Variants in CDH18 observed in about 807,000 individuals in gnomAD.
The protein encoded by CDH18 is cadherin 18, also known as cadherin-18.
A neutral mutation model predicts 67.9 loss-of-function variants in CDH18; 31 were observed. The observed-to-expected ratio is 0.46, with a 90% CI of 0.34 to 0.62. The LOEUF is 0.62. Among genes scored for constraint, CDH18 ranks in the 20% least tolerant of loss-of-function variants. CDH18 has a pLI of 0.01. For synonymous variants in CDH18, 362 were observed against 347.2 expected, an observed-to-expected ratio of 1.04 and a Z score of -0.48; for missense variants, 890 against 975.5, an observed-to-expected ratio of 0.91 and a Z score of 1.17.
At chr5:20,284,798 G>A (rs754419647) in intron 1 of CDH18, among the ~76,000 whole-genome samples, 2 of 151,728 alleles carry the variant, frequency 1.3e-5, no homozygotes, top group Non-Finnish European at 2.9e-5. Context: ...ATATTTTATA[G>A]AGCAAATATA....
chr5:20,474,313 C>T (rs1173171616), intron 1 of CDH18, among the ~76,000 whole-genome samples: 2 of 152,034 alleles, frequency 1.3e-5, no homozygotes, highest in Non-Finnish European at 2.9e-5. Context: ...TCATCCAGCT[C>T]CAATCATTAA....
At chr5:20,388,721 C>A (rs1744542447) in intron 1 of CDH18, among the ~76,000 whole-genome samples, 1 of 152,070 alleles carries the variant, frequency 6.6e-6, no homozygotes, top group Non-Finnish European at 1.5e-5. Flanking sequence ...TATAAATTTC[C>A]CTGTACACAC....
At chr5:20,423,334 C>A (rs1005012973) in intron 1 of CDH18, among the ~76,000 whole-genome samples, 2 of 151,238 alleles carry the variant, frequency 1.3e-5, no homozygotes, top group Non-Finnish European at 2.9e-5. Context: ...TCATCAATTT[C>A]TTTTCCTTCC....
chr5:19,912,155 T>C (rs1434195441), intron 2 of CDH18, among the ~76,000 whole-genome samples: 1 of 151,038 alleles, frequency 6.6e-6, no homozygotes, highest in Non-Finnish European at 1.5e-5. Flanking sequence ...AATAAAGACA[T>C]GAATTGTTTA....
At chr5:19,520,881 G>T in intron 9 of CDH18, 103 bp from the exon 10 acceptor site, 1 of 1,256,898 alleles carries the variant, frequency 8.0e-7, no homozygotes, top group Non-Finnish European at 1.1e-6. Context: ...GGTTCCATAT[G>T]CCATAGCTGG....
At chr5:20,487,956 C>T (rs1753308801) in intron 1 of CDH18, among the ~76,000 whole-genome samples, 1 of 152,092 alleles carries the variant, frequency 6.6e-6, no homozygotes, top group Non-Finnish European at 1.5e-5. Flanking sequence ...GTGGAAGTCT[C>T]CTCCAGCTGT....
At chr5:19,880,429 C>T (rs1787510627) in intron 2 of CDH18, among the ~76,000 whole-genome samples, 1 of 151,998 alleles carries the variant, frequency 6.6e-6, no homozygotes, top group South Asian at 2.1e-4. Context: ...TAATTATACT[C>T]ATTTAGATAA....
chr5:20,544,665 C>T (rs1757240048), intron 1 of CDH18, among the ~76,000 whole-genome samples: 1 of 152,072 alleles, frequency 6.6e-6, no homozygotes, highest in Admixed American at 6.6e-5. Flanking sequence ...ATGGGGGAAA[C>T]CACTCCCATA....
chr5:20,042,747 A>G (rs1316985922), intron 2 of CDH18, among the ~76,000 whole-genome samples: 4 of 152,170 alleles, frequency 2.6e-5, no homozygotes, highest in Non-Finnish European at 4.4e-5. Context: ...GCAGATCATG[A>G]GGTCAAGAGA....
At chr5:19,953,212 A>G (rs1415751931) in intron 2 of CDH18, among the ~76,000 whole-genome samples, 1 of 152,138 alleles carries the variant, frequency 6.6e-6, no homozygotes, top group Non-Finnish European at 1.5e-5. Flanking sequence ...ATATTCACAA[A>G]TATTTATAAA....
chr5:20,197,231 C>T (rs200014571), intron 2 of CDH18, among the ~76,000 whole-genome samples: 1 of 152,082 alleles, frequency 6.6e-6, no homozygotes, highest in Non-Finnish European at 1.5e-5. Flanking sequence ...AGGCTGGTCT[C>T]GAACTCCTGA....
At chr5:19,883,808 C>G (rs76056634) in intron 2 of CDH18, among the ~76,000 whole-genome samples, 4,986 of 151,938 alleles carry the variant, frequency 0.033, 252 homozygotes, top group African/African-American at 0.1. Context: ...CAAGGATAGA[C>G]GAGAGTTTAC....
intron 5 of CDH18, among the ~76,000 whole-genome samples, chr5:19,652,253 T>A (rs1258800011): frequency 6.6e-6 from 1 of 152,122 alleles, no homozygotes; most frequent in Non-Finnish European, 1.5e-5. Context: ...TTATTATTAT[T>A]TTTTACTATT....
At chr5:20,308,308 C>T (rs138549751) in intron 1 of CDH18, among the ~76,000 whole-genome samples, 3,435 of 151,768 alleles carry the variant, frequency 0.023, 60 homozygotes, top group Middle Eastern at 0.034. Context: ...TTTGGGAGGC[C>T]GAGGTGGGTA....
chr5:19,829,785 T>C (rs1399973273), intron 3 of CDH18, among the ~76,000 whole-genome samples: 1 of 152,106 alleles, frequency 6.6e-6, no homozygotes. Context: ...AACTTCAAAC[T>C]ATATTACAAG....
chr5:20,382,345 G>C (rs1743976486), intron 1 of CDH18, among the ~76,000 whole-genome samples: 1 of 152,078 alleles, frequency 6.6e-6, no homozygotes, highest in African/African-American at 2.4e-5. Flanking sequence ...ACCTATATAG[G>C]GGAGACTAGA....
chr5:20,202,010 G>T (rs1334397331), intron 2 of CDH18, among the ~76,000 whole-genome samples: 4 of 152,160 alleles, frequency 2.6e-5, no homozygotes, highest in Admixed American at 2.0e-4. Context: ...ACAGTAGTAT[G>T]ATACTAAAAT....
chr5:20,512,965 G>T (rs547322328), intron 1 of CDH18, among the ~76,000 whole-genome samples: 27 of 151,542 alleles, frequency 1.8e-4, no homozygotes, highest in Non-Finnish European at 3.2e-4. Context: ...ACATGCACTC[G>T]TCAGTCACAA....
At chr5:19,644,344 G>A (rs756506259) in intron 5 of CDH18, among the ~76,000 whole-genome samples, 30 of 151,974 alleles carry the variant, frequency 2.0e-4, no homozygotes, top group Admixed American at 4.6e-4. Flanking sequence ...GTCGCAAGAA[G>A]CATATAGATC....
Sources: allele counts gnomAD v4.1 joint callset (sites outside exome capture counted in the v4.1 genomes callset), GRCh38; gene constraint gnomAD v4.1.1; transcripts MANE v1.5; gene names NCBI Gene and HGNC (gene_info 2026-07-23, HGNC 2026-07-21).